The following NPLOC4 variants were observed in gnomAD, a reference collection of about 807,000 sequenced individuals.
NPLOC4 encodes NPL4 homolog, ubiquitin recognition factor.
Under a neutral mutation model 80.6 loss-of-function variants are expected in NPLOC4, and 18 were observed. The ratio of observed to expected loss-of-function variants is 0.22; its 90% confidence interval spans 0.15 to 0.33. The LOEUF is 0.33. NPLOC4 is among the 10% of genes least tolerant of loss of function. The pLI is 1.00. For missense variants in NPLOC4, 540 were observed against 786.1 expected, an observed-to-expected ratio of 0.69 and a Z score of 3.74; for synonymous variants, 313 against 301.5, an observed-to-expected ratio of 1.04 and a Z score of -0.39.
chr17:81,576,240 A>C (rs1357000146), intron 12 of NPLOC4, among the ~76,000 whole-genome samples: 1 of 152,234 alleles, frequency 6.6e-6, no homozygotes, highest in Admixed American at 6.5e-5. Context: ...AATAAAATTA[A>C]ATCCTAAAAG....
intron 9 of NPLOC4, among the ~76,000 whole-genome samples, chr17:81,597,783 CAAA>C (rs533038308): frequency 3.5e-5 from 3 of 86,776 alleles, no homozygotes; most frequent in Admixed American, 1.2e-4. Context: ...AACTCCATCT[CAAA>C]AAAAAAAAAA....
intron 1 of NPLOC4, among the ~76,000 whole-genome samples, chr17:81,631,960 CA>C (rs2035944128): frequency 6.6e-6 from 1 of 151,612 alleles, no homozygotes; most frequent in South Asian, 2.1e-4. Flanking sequence ...CCACCATACC[CA>C]GCTAATTTTC....
In NPLOC4 at chr17:81,565,389, C is replaced by G. The variant is rs539432655; in HGVS notation, c.1669+116G>C. 18 of 918,572 alleles carry G rather than the reference C, an allele frequency of 2.0e-5. No individual in the cohort carries two copies. In the African/African-American group the frequency reaches 2.9e-4, roughly 15 times the overall value. The allele number at this position is 918,572 out of a possible 1,614,324, so 56.9% of individuals were successfully genotyped here. ...CTCGTTGCATTGCCGATGGCACCTG[C>G]CAGGATGCAGCTGGGTGCGGAATCC... On this transcript the variant is annotated intron_variant, in intron 16 of 16. Coordinates refer to ENST00000331134, the MANE Select transcript of NPLOC4 (RefSeq NM_017921.4).
intron 7 of NPLOC4, among the ~76,000 whole-genome samples, chr17:81,605,903 C>G (rs995383884): frequency 2.7e-5 from 4 of 150,870 alleles, no homozygotes; most frequent in Non-Finnish European, 1.5e-5. Context: ...CTCACTGCAA[C>G]CTCTGCCTTC....
chr17:81,624,272 G>C (rs1174765366), intron 2 of NPLOC4, among the ~76,000 whole-genome samples: 1 of 152,164 alleles, frequency 6.6e-6, no homozygotes, highest in African/African-American at 2.4e-5. Context: ...ACAAAAATTA[G>C]CTAGGCGTGG....
At chr17:81,576,205 T>C (rs1424514977) in intron 12 of NPLOC4, among the ~76,000 whole-genome samples, 1 of 152,232 alleles carries the variant, frequency 6.6e-6, no homozygotes, top group Non-Finnish European at 1.5e-5. Flanking sequence ...ACCAGTATCA[T>C]GCATAAATGG....
intron 11 of NPLOC4, 84 bp downstream of exon 11, chr17:81,596,027 CTAAGT>C (rs1439726026): frequency 6.0e-6 from 8 of 1,338,778 alleles, no homozygotes; most frequent in East Asian, 4.7e-5. Flanking sequence ...TCCAGTATAA[CTAAGT>C]TAAGGATAAA....
At chr17:81,592,812 C>T (rs567686001) in intron 11 of NPLOC4, among the ~76,000 whole-genome samples, 10 of 152,154 alleles carry the variant, frequency 6.6e-5, no homozygotes, top group Admixed American at 6.5e-4. Flanking sequence ...GGTGAAACCC[C>T]GTCTCTACAA....
At position 81,577,773 on chromosome 17, in the gene NPLOC4, C is replaced by A. The variant is rs2144089261; in HGVS notation, c.1282-5685G>T. Among the ~76,000 whole-genome samples, 1 of 152,322 alleles carries A rather than the reference C, an allele frequency of 6.6e-6. No individual in the cohort carries two copies. Among genetic ancestry groups the A allele is most frequent in the African/African-American group, 2.4e-5 (1 of 41,562 alleles). The stretch of plus-strand genomic sequence containing the variant: ...AACCCTGCTCCCCAAAACCAGGAAC[C>A]TGGCTTGAGCCTGTGCTCCTCTCTG... On this transcript the variant is annotated intron_variant, in intron 12 of 16. Coordinates refer to ENST00000331134, the MANE Select transcript of NPLOC4 (RefSeq NM_017921.4). This position sits in a 1 kb window ranked among gnomAD's most constrained non-coding sequence, Gnocchi z 4.3.
At position 81,580,810 on chromosome 17, in the gene NPLOC4, C is replaced by A. The variant is rs759070189; in HGVS notation, c.1281+8134G>T. On this transcript the variant is annotated intron_variant, in intron 12 of 16. Transcript: ENST00000331134. The surrounding 1 kb of genome is among the most constrained non-coding windows in gnomAD (Gnocchi z 4.4). Reference sequence around the variant, plus strand: ...TTCTCTAAACATGAGAGAATGGATGCCGTGAGAGCATCGCACAGTGAATCA... The same window carrying A: ...TTCTCTAAACATGAGAGAATGGATGACGTGAGAGCATCGCACAGTGAATCA... Among the ~76,000 whole-genome samples the A allele has an allele frequency of 5.3e-5, 8 of 152,216 alleles. No individual in the cohort carries two copies. Among genetic ancestry groups the A allele is most frequent in the African/African-American group, 1.7e-4 (7 of 41,454 alleles).
chr17:81,617,936 G>A (rs2035546375), intron 3 of NPLOC4, among the ~76,000 whole-genome samples: 1 of 152,240 alleles, frequency 6.6e-6, no homozygotes, highest in East Asian at 1.9e-4. Flanking sequence ...CGGGATTGCA[G>A]ACGGAGTCTC....
At chr17:81,610,168 C>G (rs996882282) in intron 5 of NPLOC4, 42 bp downstream of exon 5, 1 of 1,539,666 alleles carries the variant, frequency 6.5e-7, no homozygotes, top group South Asian at 1.2e-5. Flanking sequence ...CTACCCGCAG[C>G]CCCCCACACT....
At chr17:81,575,953 G>T (rs2034286467) in intron 12 of NPLOC4, among the ~76,000 whole-genome samples, 1 of 152,222 alleles carries the variant, frequency 6.6e-6, no homozygotes, top group Non-Finnish European at 1.5e-5. Context: ...GAGTGAAAAG[G>T]CTTGTTTTAA....
intron 2 of NPLOC4, among the ~76,000 whole-genome samples, chr17:81,623,722 C>A (rs6565608): frequency 6.7e-6 from 1 of 149,466 alleles, no homozygotes; most frequent in Non-Finnish European, 1.5e-5. Context: ...GGCGTGAACC[C>A]GGGAGGCGGA....
At chr17:81,629,991 A>AT (rs1233315975) in intron 1 of NPLOC4, 186 bp from the exon 2 acceptor site, 3 of 536,756 alleles carry the variant, frequency 5.6e-6, no homozygotes, top group Non-Finnish European at 1.0e-5. Context: ...ATTCATCAAC[A>AT]TATGGGGAGA....
intron 1 of NPLOC4, 36 bp from the exon 2 acceptor site, chr17:81,629,841 C>G (rs1334164162): frequency 6.8e-7 from 1 of 1,472,250 alleles, no homozygotes; most frequent in Admixed American, 1.7e-5. Flanking sequence ...ACTGCACAGC[C>G]TAGTGAGGTC....
At chr17:81,617,392 T>A (rs1220901967) in intron 3 of NPLOC4, among the ~76,000 whole-genome samples, 1 of 151,890 alleles carries the variant, frequency 6.6e-6, no homozygotes, top group Non-Finnish European at 1.5e-5. Context: ...AAAAAGAGGG[T>A]GCCAGGTGTA....
chr17:81,626,702 G>A (rs751834354), intron 2 of NPLOC4, among the ~76,000 whole-genome samples: 5 of 152,092 alleles, frequency 3.3e-5, no homozygotes, highest in African/African-American at 9.7e-5. Flanking sequence ...GGAAGCTCAC[G>A]TGGGAGGATC....
chr17:81,582,229 G>C (rs2034461492), intron 12 of NPLOC4, among the ~76,000 whole-genome samples: 2 of 152,350 alleles, frequency 1.3e-5, no homozygotes, highest in South Asian at 4.1e-4. Flanking sequence ...GGGCCGTGAG[G>C]TAAGCGAGCT....
Sources: allele counts gnomAD v4.1 joint callset (sites outside exome capture counted in the v4.1 genomes callset), GRCh38; gene constraint gnomAD v4.1.1; non-coding constraint Gnocchi (gnomAD v3.1); transcripts MANE v1.5; gene names NCBI Gene and HGNC (gene_info 2026-07-23, HGNC 2026-07-21).